Variants in PHB2 observed in about 807,000 individuals in gnomAD.
PHB2 encodes prohibitin-2.
PHB2 carries 22 observed loss-of-function variants against 46.4 expected under a neutral mutation model. The observed-to-expected ratio is 0.47, with a 90% CI of 0.34 to 0.68. The LOEUF (loss-of-function observed/expected upper bound fraction) is 0.68, where lower values mean the gene tolerates loss of function less well. Among genes scored for constraint, PHB2 ranks in the 30% least tolerant of loss-of-function variants. The pLI, the probability that PHB2 is intolerant of heterozygous loss-of-function variation, is 0.01. For missense variants in PHB2, 305 were observed against 382.8 expected, an observed-to-expected ratio of 0.80 and a Z score of 1.70; for synonymous variants, 156 against 150.5, an observed-to-expected ratio of 1.04 and a Z score of -0.27.
At chr12:6,969,844 A>G in intron 2 of PHB2, 2 of 503,788 alleles carry the variant, frequency 4.0e-6, no homozygotes, top group Non-Finnish European at 7.3e-6. Context: ...GGTTGCAGTG[A>G]GCCGAGATCG....
At chr12:6,968,312 G>T in intron 4 of PHB2, 99 bp downstream of exon 4, 1 of 896,836 alleles carries the variant, frequency 1.1e-6, no homozygotes, top group Non-Finnish European at 1.7e-6. Context: ...TGGCACTAGG[G>T]TGACAATGCT....
rs1946239490 is a variant in PHB2, at chr12:6,967,700, C to T, written c.687G>A (p.Glu229=). ...TCATCTTGGCAGCCTCGGCCTCACC[C>T]TCGGCCTGCACAATTTTCTGCCGCT... ...QEQRQKIVQA[E]GEAEAAKMLG... The change falls in exon 6 of 10, where the codon GAG becomes GAA. Residue 229 remains glutamate (E), a synonymous_variant. Coordinates refer to ENST00000535923, the MANE Select transcript of PHB2 (RefSeq NM_001144831.2). The surrounding 1 kb of genome is among the most constrained non-coding windows in gnomAD (Gnocchi z 4.9). 1 of 1,613,870 alleles carries T rather than the reference C, an allele frequency of 6.2e-7. No homozygotes were observed. The highest frequency in any genetic ancestry group is 1.1e-5 in the South Asian group (1 of 91,074).
Position 6,970,196 on chromosome 12 carries a change from C to G in PHB2, c.212G>C (p.Arg71Thr). 1 of 1,611,900 alleles carries G rather than the reference C, an allele frequency of 6.2e-7. No individual in the cohort carries two copies. Among genetic ancestry groups the G allele is most frequent in the Non-Finnish European group, 8.5e-7 (1 of 1,178,200 alleles). ...GTCAGCAGGCTCTGCCCGCCATTAC[C>G]TGAAGTGAAGGCCCTCGGCCAGGAT... ...DTILAEGLHF[R>T]IPWFQYPIIY... is the part of the protein sequence containing the mutation. Residue 71 changes from arginine (R) to threonine (T), a missense_variant and splice_region_variant, in exon 2 of 10, where the codon AGG (arginine) becomes ACG (threonine). Around this residue, in one of 3 missense-constraint regions of PHB2, gnomAD observed 241 missense variants for 302.7 expected, o/e 0.80. Coordinates refer to ENST00000535923, the MANE Select transcript of PHB2 (RefSeq NM_001144831.2).
chr12:6,966,628 A>G (rs2138300716), intron 7 of PHB2, 128 bp from the exon 8 acceptor site: 1 of 704,070 alleles, frequency 1.4e-6, no homozygotes, highest in Non-Finnish European at 2.6e-6. Flanking sequence ...TGAGTAACAC[A>G]TGGTTTCTGC....
intron 3 of PHB2, among the ~76,000 whole-genome samples, 194 bp downstream of exon 3, chr12:6,969,304 G>A (rs1212521073): frequency 2.0e-5 from 3 of 152,214 alleles, no homozygotes; most frequent in African/African-American, 7.2e-5. Flanking sequence ...TCAGGGAGGA[G>A]ACAGTAAAAA....
In PHB2 at chr12:6,967,073, G is replaced by C. The variant is rs2159887; in HGVS notation, c.789+98C>G. The C allele has an allele frequency of 0.84, 893,920 of 1,070,506 alleles. 374,429 individuals are homozygous for C. The highest frequency in any genetic ancestry group is 0.96 in the African/African-American group (61,563 of 63,880). 66.3% of individuals were successfully genotyped at this position (1,070,506 alleles called of 1,614,324 possible). A position where few individuals can be genotyped will look rare whatever the true frequency, so the allele number is the denominator to read the frequency against. ...AGAGAAGCCAATCTGAGTAGAAACCGGAACAAGCAAGGTTCGAATTCCCTC... is the reference window on the plus strand; with the variant it reads ...AGAGAAGCCAATCTGAGTAGAAACCCGAACAAGCAAGGTTCGAATTCCCTC... On this transcript the variant is annotated intron_variant, in intron 7 of 9. Transcript: ENST00000535923. The surrounding 1 kb of genome is among the most constrained non-coding windows in gnomAD (Gnocchi z 4.9).
Position 6,965,931 on chromosome 12 carries a change from C to T in PHB2, c.867-15G>A, listed in dbSNP as rs782426484. 57 of 1,598,200 alleles carry T rather than the reference C, an allele frequency of 3.6e-5. No individual in the cohort carries two copies. Among genetic ancestry groups the T allele is most frequent in the Middle Eastern group, 1.7e-4 (1 of 6,060 alleles). ...CTTACCTTCCCCTGTGGTGCCAGAT[C>T]GCCAGATGAACAAGAAACAGAGAAG... On this transcript the variant is annotated splice_polypyrimidine_tract_variant and intron_variant, in intron 8 of 9. Coordinates refer to ENST00000535923, the MANE Select transcript of PHB2 (RefSeq NM_001144831.2).
intron 3 of PHB2, among the ~76,000 whole-genome samples, 169 bp downstream of exon 3, chr12:6,969,329 T>G (rs930266683): frequency 6.6e-6 from 1 of 152,220 alleles, no homozygotes; most frequent in African/African-American, 2.4e-5. Flanking sequence ...GCAAACACAG[T>G]GTGTTCAGAA....
At position 6,970,202 on chromosome 12, in the gene PHB2, T is replaced by C; in HGVS notation, c.206A>G (p.His69Arg). The C allele has an allele frequency of 6.2e-7, 1 of 1,612,838 alleles. No individual in the cohort carries two copies. Among genetic ancestry groups the C allele is most frequent in the Non-Finnish European group, 8.5e-7 (1 of 1,179,074 alleles). The stretch of plus-strand genomic sequence containing the variant: ...AGGCTCTGCCCGCCATTACCTGAAG[T>C]GAAGGCCCTCGGCCAGGATAGTGTC... The part of the protein sequence containing the change: ...QQDTILAEGL[H>R]FRIPWFQYPI... Residue 69 changes from histidine (H) to arginine (R), a missense_variant, in exon 2 of 10, where the codon CAC (histidine) becomes CGC (arginine). This residue lies in a region of PHB2 where 241 missense variants were observed against 302.7 expected (regional missense o/e 0.80). Coordinates refer to ENST00000535923, the MANE Select transcript of PHB2 (RefSeq NM_001144831.2).
Position 6,969,588 on chromosome 12 carries a change from C to T in PHB2, c.213-11G>A, listed in dbSNP as rs781999315. 2 of 1,563,582 alleles carry T rather than the reference C, an allele frequency of 1.3e-6. No homozygotes were observed. Among genetic ancestry groups the T allele is most frequent in the South Asian group, 1.1e-5 (1 of 89,392 alleles). On this transcript the variant is annotated splice_polypyrimidine_tract_variant and intron_variant, in intron 2 of 9. Transcript: ENST00000535923. ...TGGAACCAAGGGATCCTGGAGAGGACAGGGATAGGTATTAAGAGGCCACAG... is the reference window on the plus strand; with the variant it reads ...TGGAACCAAGGGATCCTGGAGAGGATAGGGATAGGTATTAAGAGGCCACAG...
At position 6,970,477 on chromosome 12, in the gene PHB2, GGGCCGTGCCCATGCCCC is replaced by G; in HGVS notation, c.50_66del (p.Arg17ProfsTer60). Reference sequence around the variant, plus strand: ...GCGCCGGCCCCCAGCAACAGCTTCAGGGCCGTGCCCATGCCCCGGGGCCCGGCGGGCAGCCGTCCCGC... The same window carrying G: ...GCGCCGGCCCCCAGCAACAGCTTCAGGGGGCCCGGCGGGCAGCCGTCCCGC... On this transcript the variant is annotated frameshift_variant, in exon 1 of 10. Transcript: ENST00000535923. LOFTEE classifies it high-confidence loss of function. The G allele has an allele frequency of 6.2e-7, 1 of 1,605,926 alleles. No homozygotes were observed. Among genetic ancestry groups the G allele is most frequent in the Non-Finnish European group, 8.5e-7 (1 of 1,179,314 alleles).
intron 3 of PHB2, among the ~76,000 whole-genome samples, chr12:6,969,289 A>G (rs1172979182): frequency 6.6e-6 from 1 of 152,276 alleles, no homozygotes; most frequent in African/African-American, 2.4e-5. Flanking sequence ...CTTATTGAAT[A>G]CACGTCAGGG....
At position 6,970,210 on chromosome 12, in the gene PHB2, C is replaced by T. The variant is rs782365236; in HGVS notation, c.198G>A (p.Glu66=). ...CCCGCCATTACCTGAAGTGAAGGCC[C>T]TCGGCCAGGATAGTGTCCTGCTGCA... ...GGVQQDTILA[E]GLHFRIPWFQ... Residue 66 remains glutamate (E), a synonymous_variant, in exon 2 of 10, where the codon GAG becomes GAA. Coordinates refer to ENST00000535923, the MANE Select transcript of PHB2 (RefSeq NM_001144831.2). 1.2e-6 allele frequency: 2 copies of T among 1,613,588 alleles called. No homozygotes were observed. The highest frequency in any genetic ancestry group is 1.1e-5 in the South Asian group (1 of 91,084).
chr12:6,967,656 T>C lies in PHB2; in HGVS notation c.711+20A>G. ...AGGTGCCCTAGGGGCTGGGCTGAGA[T>C]CTCTCCAGCAGAAGGATATCATCTT... On this transcript the variant is annotated intron_variant, in intron 6 of 9. Coordinates refer to ENST00000535923, the MANE Select transcript of PHB2 (RefSeq NM_001144831.2). This position sits in a 1 kb window ranked among gnomAD's most constrained non-coding sequence, Gnocchi z 4.9. The C allele has an allele frequency of 6.3e-7, 1 of 1,589,536 alleles. No homozygotes were observed. Among genetic ancestry groups the C allele is most frequent in the South Asian group, 1.1e-5 (1 of 90,580 alleles).
chr12:6,969,223 G>A (rs182183243), intron 3 of PHB2, among the ~76,000 whole-genome samples: 1 of 152,164 alleles, frequency 6.6e-6, no homozygotes, highest in Non-Finnish European at 1.5e-5. Flanking sequence ...GAAAAAAAAG[G>A]CTTTAAAACA....
rs904316360 is a variant in PHB2 at position 6,968,540 on chromosome 12, C to T, written c.348G>A (p.Glu116=). 3 of 1,613,738 alleles carry T rather than the reference C, an allele frequency of 1.9e-6. No homozygotes were observed. The highest frequency in any genetic ancestry group is 2.5e-6 in the Non-Finnish European group (3 of 1,179,766). ...CTAGGCGCTGGTACATGCTAGGAAG[C>T]TCCTGAGCATTGGGTCGAGACAACA... ...LRVLSRPNAQ[E]LPSMYQRLGL... The change falls in exon 4 of 10, where the codon GAG becomes GAA. Residue 116 remains glutamate (E), a synonymous_variant. Transcript: ENST00000535923.
Position 6,967,580 on chromosome 12 carries a change from C to T in PHB2, c.711+96G>A, listed in dbSNP as rs370551876. ...AGCCAAGGGCCAGAGAGCACGGAGTCGCATTCGCCTTAGTCTCATCAGCCT... is the reference window on the plus strand; with the variant it reads ...AGCCAAGGGCCAGAGAGCACGGAGTTGCATTCGCCTTAGTCTCATCAGCCT... On this transcript the variant is annotated intron_variant, in intron 6 of 9. Transcript: ENST00000535923. This position sits in a 1 kb window ranked among gnomAD's most constrained non-coding sequence, Gnocchi z 4.9. 1.4e-5 allele frequency: 15 copies of T among 1,051,462 alleles called. No individual in the cohort carries two copies. Among genetic ancestry groups the T allele is most frequent in the Non-Finnish European group, 1.9e-5 (13 of 673,510 alleles). The allele number at this position is 1,051,462 out of a possible 1,614,324, so 65.1% of individuals were successfully genotyped here. A position where few individuals can be genotyped will look rare whatever the true frequency, so the allele number is the denominator to read the frequency against.
rs1555151965 is a variant in PHB2, at chr12:6,970,569, G to A, written c.-26C>T. ...GTCTGATCTTGAGGCCGGCGGCACT[G>A]GAGGTCAGAAGGGGGTGCCGGCCCG... On this transcript the variant is annotated 5_prime_UTR_variant, in exon 1 of 10. Transcript: ENST00000535923. 2 of 1,565,450 alleles carry A rather than the reference G, an allele frequency of 1.3e-6. No individual in the cohort carries two copies. The highest frequency in any genetic ancestry group is 1.7e-6 in the Non-Finnish European group (2 of 1,160,052).
chr12:6,967,554 G>T lies in PHB2; in HGVS notation c.711+122C>A. 1.0e-6 allele frequency: 1 copy of T among 958,978 alleles called. No homozygotes were observed. The highest frequency in any genetic ancestry group is 1.7e-6 in the Non-Finnish European group (1 of 592,136). 59.4% of individuals were successfully genotyped at this position (958,978 alleles called of 1,614,324 possible). A position where few individuals can be genotyped will look rare whatever the true frequency, so the allele number is the denominator to read the frequency against. On this transcript the variant is annotated intron_variant, in intron 6 of 9. Coordinates refer to ENST00000535923, the MANE Select transcript of PHB2 (RefSeq NM_001144831.2). The surrounding 1 kb of genome is among the most constrained non-coding windows in gnomAD (Gnocchi z 4.9). ...ATCTGTAGTCCCCACCCCCAACAAGGAGCCAAGGGCCAGAGAGCACGGAGT... is the reference window on the plus strand; with the variant it reads ...ATCTGTAGTCCCCACCCCCAACAAGTAGCCAAGGGCCAGAGAGCACGGAGT...
Sources: gnomAD v4.1 joint callset for allele counts (sites outside exome capture counted in the v4.1 genomes callset) on GRCh38, gnomAD v4.1.1 for gene constraint, gnomAD v4.1.1 regional missense constraint, Gnocchi (gnomAD v3.1) non-coding constraint, MANE v1.5 for transcripts, NCBI Gene and HGNC (gene_info 2026-07-23, HGNC 2026-07-21) for gene names.